The following ARHGEF5 variants were observed in gnomAD, a reference collection of about 807,000 sequenced individuals.
The protein encoded by ARHGEF5 is Rho guanine nucleotide exchange factor (GEF) 5.
ARHGEF5 carries 11 observed loss-of-function variants against 104.0 expected under a neutral mutation model. That is an observed-to-expected ratio of 0.11 (90% CI 0.07 to 0.18). The LOEUF (loss-of-function observed/expected upper bound fraction) is 0.18. Among genes scored for constraint, ARHGEF5 ranks in the 10% least tolerant of loss-of-function variants. ARHGEF5 has a pLI of 1.00. For synonymous variants in ARHGEF5, 60 were observed against 512.2 expected (o/e 0.12, Z 11.92); for missense variants, 165 against 1,335.4 (o/e 0.12, Z 13.66).
At chr7:144,360,868 C>A (rs3873682) in intron 1 of ARHGEF5, among the ~76,000 whole-genome samples, 52,763 of 140,674 alleles carry the variant, frequency 0.38, 7,851 homozygotes, top group East Asian at 0.59. Flanking sequence ...ATAAATGCTA[C>A]AAAGGAAAAG....
At chr7:144,377,440 A>G (rs2053768985) in intron 13 of ARHGEF5, among the ~76,000 whole-genome samples, 1 of 152,088 alleles carries the variant, frequency 6.6e-6, no homozygotes, top group South Asian at 2.1e-4. Context: ...TTTTAAAAAT[A>G]TTTGTCCCCT....
chr7:144,377,711 A>T (rs957935381), intron 13 of ARHGEF5, among the ~76,000 whole-genome samples: 2 of 152,174 alleles, frequency 1.3e-5, no homozygotes, highest in African/African-American at 4.8e-5. Context: ...TGTCAGCCCC[A>T]CAGTTGTCCT....
At position 144,377,141 on chromosome 7, in the gene ARHGEF5, C is replaced by A; in HGVS notation, c.4482C>A (p.Ile1494=). 1 of 1,520,298 alleles carries A rather than the reference C, an allele frequency of 6.6e-7. No individual in the cohort carries two copies. The highest frequency in any genetic ancestry group is 8.9e-7 in the Non-Finnish European group (1 of 1,124,960). 94.2% of individuals were successfully genotyped at this position (1,520,298 alleles called of 1,614,324 possible). Reference sequence around the variant, plus strand: ...TCAGAAGTGAAAAGCTTCGGTGGATCTCAGCCTTGGCCATGCCAAGAGAGG... The same window carrying A: ...TCAGAAGTGAAAAGCTTCGGTGGATATCAGCCTTGGCCATGCCAAGAGAGG... ...TETQSEKLRW[I]SALAMPREEL... Residue 1494 remains isoleucine, a synonymous_variant, in exon 13 of 15, where the codon ATC becomes ATA. Transcript: ENST00000056217.
chr7:144,377,220 G>T, intron 13 of ARHGEF5, 30 bp downstream of exon 13: 1 of 1,444,766 alleles, frequency 6.9e-7, no homozygotes, highest in South Asian at 1.4e-5. Flanking sequence ...GGAGAGAAAA[G>T]AAAGCAGGGT....
chr7:144,360,923 T>A (rs1301945111), intron 1 of ARHGEF5, among the ~76,000 whole-genome samples: 1 of 146,014 alleles, frequency 6.8e-6, no homozygotes, highest in African/African-American at 2.5e-5. Context: ...GGGGTACAAT[T>A]TAACCTAGTT....
rs2053628680 is a variant in ARHGEF5 at position 144,360,342 on chromosome 7, T to G, written c.-12-2316T>G. 1.9e-5 allele frequency among the ~76,000 whole-genome samples: 2 copies of G among 104,570 alleles called. 1 individual carries two copies. Among genetic ancestry groups the G allele is most frequent in the Admixed American group, 2.1e-4 (2 of 9,416 alleles). The allele number at this position is 104,570 out of a possible 152,430, so 68.6% of individuals were successfully genotyped here. A position where few individuals can be genotyped will look rare whatever the true frequency, so the allele number is the denominator to read the frequency against. On this transcript the variant is annotated intron_variant, in intron 1 of 14. Transcript: ENST00000056217. ...TCCAGGCTGGTCTCAAACTCCTAGA[T>G]TCAAGCAATCAACCTGCCTCAGCCT...
intron 9 of ARHGEF5, among the ~76,000 whole-genome samples, 171 bp downstream of exon 9, chr7:144,372,928 T>C (rs1276992777): frequency 7.3e-6 from 1 of 136,494 alleles, no homozygotes; most frequent in Non-Finnish European, 1.6e-5. Context: ...CGGCCACCTC[T>C]CCCACGCCGA....
chr7:144,364,264 C>CAGATACCGAGGCA lies in ARHGEF5; in HGVS notation c.1595_1596insAGATACCGAGGCA (p.Val533AspfsTer36). ...GAAGCCTACCCCATCACACCTGCCT[C>CAGATACCGAGGCA]GGTATCTGCCAGGCCCCCAGTTGCC... On this transcript the variant is annotated frameshift_variant, in exon 2 of 15. Transcript: ENST00000056217. LOFTEE classifies it high-confidence loss of function. 1 of 613,398 alleles carries CAGATACCGAGGCA rather than the reference C, an allele frequency of 1.6e-6. No homozygotes were observed. The highest frequency in any genetic ancestry group is 2.6e-6 in the Non-Finnish European group (1 of 384,166). The allele number at this position is 613,398 out of a possible 1,614,324, so 38.0% of individuals were successfully genotyped here. A position where few individuals can be genotyped will look rare whatever the true frequency, so the allele number is the denominator to read the frequency against.
At chr7:144,361,842 A>AG (rs1268184960) in intron 1 of ARHGEF5, among the ~76,000 whole-genome samples, 48 of 114,102 alleles carry the variant, frequency 4.2e-4, no homozygotes, top group Non-Finnish European at 7.7e-4. Context: ...AGAATTAATG[A>AG]GAAGAGTTCA....
In ARHGEF5 at chr7:144,380,066, G is replaced by A; in HGVS notation, c.*10G>A. 1 of 1,614,094 alleles carries A rather than the reference G, an allele frequency of 6.2e-7. No individual in the cohort carries two copies. Among genetic ancestry groups the A allele is most frequent in the Non-Finnish European group, 8.5e-7 (1 of 1,179,968 alleles). On this transcript the variant is annotated 3_prime_UTR_variant, in exon 15 of 15. Coordinates refer to ENST00000056217, the MANE Select transcript of ARHGEF5 (RefSeq NM_005435.4). ...GGAACAGCAAGCCTAAGTCTTCTCT[G>A]AGAGGAGTTTCGTGAGCTGAAGAAC...
At chr7:144,378,698 G>T (rs2053778915) in intron 13 of ARHGEF5, 64 bp from the exon 14 acceptor site, 2 of 1,421,314 alleles carry the variant, frequency 1.4e-6, no homozygotes, top group Admixed American at 1.8e-5. Flanking sequence ...CCCCCTCCAA[G>T]TCCCTGTCTG....
intron 14 of ARHGEF5, 117 bp downstream of exon 14, chr7:144,378,983 A>G (rs539804972): frequency 2.1e-6 from 2 of 967,532 alleles, no homozygotes. Flanking sequence ...GGCTTATGGC[A>G]ACAGAAATGC....
intron 1 of ARHGEF5, among the ~76,000 whole-genome samples, chr7:144,357,984 C>T: frequency 8.4e-6 from 1 of 119,436 alleles, no homozygotes. Flanking sequence ...AAAAAACTCT[C>T]TCCTGATGCC....
chr7:144,380,224 C>A lies in ARHGEF5; in HGVS notation c.*168C>A. ...CCCTCGGCCCAGGCCTCCTTTCGTG[C>A]TTTGTGCTTGGTGGGGGGGATTTCG... On this transcript the variant is annotated 3_prime_UTR_variant, in exon 15 of 15. Coordinates refer to ENST00000056217, the MANE Select transcript of ARHGEF5 (RefSeq NM_005435.4). The A allele has an allele frequency of 2.4e-6, 2 of 818,634 alleles. No homozygotes were observed. Among genetic ancestry groups the A allele is most frequent in the Non-Finnish European group, 3.7e-6 (2 of 540,784 alleles). 50.7% of individuals were successfully genotyped at this position (818,634 alleles called of 1,614,324 possible). A position where few individuals can be genotyped will look rare whatever the true frequency, so the allele number is the denominator to read the frequency against.
intron 13 of ARHGEF5, 22 bp from the exon 14 acceptor site, chr7:144,378,740 T>C: frequency 6.2e-7 from 1 of 1,607,478 alleles, no homozygotes; most frequent in East Asian, 2.2e-5. Context: ...CTAACCTCTC[T>C]TCACACTCTT....
chr7:144,358,758 AGT>A (rs71222348), intron 1 of ARHGEF5, among the ~76,000 whole-genome samples: 56,144 of 90,922 alleles, frequency 0.62, 17,010 homozygotes, highest in Non-Finnish European at 0.69. Flanking sequence ...AGGATGGCTC[AGT>A]GTGTGTGTGT....
At chr7:144,359,376 C>G (rs1333684714) in intron 1 of ARHGEF5, among the ~76,000 whole-genome samples, 4 of 143,326 alleles carry the variant, frequency 2.8e-5, no homozygotes, top group Non-Finnish European at 3.2e-5. Context: ...CACAACCAAA[C>G]ACTGATCCAC....
rs1307427930 is a variant in ARHGEF5, at chr7:144,370,263, TA to T, written c.3532-889del. Among the ~76,000 whole-genome samples the T allele has an allele frequency of 7.3e-5, 11 of 149,830 alleles. No individual in the cohort carries two copies. The East Asian group carries it at 7.8e-4, about 11-fold the overall frequency. On this transcript the variant is annotated intron_variant, in intron 5 of 14. Transcript: ENST00000056217. ...AAGACTCCATCTCAATTCCAAAAAA[TA>T]AAAAAAAATAACTTTATATAAAACA...
chr7:144,378,737 C>T, intron 13 of ARHGEF5, 25 bp from the exon 14 acceptor site: 5 of 1,604,872 alleles, frequency 3.1e-6, no homozygotes, highest in Non-Finnish European at 4.3e-6. Context: ...CTCCTAACCT[C>T]TCTTCACACT....
Sources: gnomAD v4.1 joint callset for allele counts (sites outside exome capture counted in the v4.1 genomes callset) on GRCh38, gnomAD v4.1.1 for gene constraint, MANE v1.5 for transcripts, NCBI Gene and HGNC (gene_info 2026-07-23, HGNC 2026-07-21) for gene names.